The following PIK3C2G variants were observed in gnomAD, a reference collection of about 807,000 sequenced individuals.
PIK3C2G encodes the protein phosphatidylinositol-4-phosphate 3-kinase catalytic subunit type 2 gamma, also known as phosphatidylinositol 3-kinase C2 domain-containing subunit gamma.
PIK3C2G carries 168 observed loss-of-function variants against 181.1 expected under a neutral mutation model. The observed-to-expected ratio is 0.93, with a 90% CI of 0.82 to 1.05. The LOEUF (loss-of-function observed/expected upper bound fraction) is 1.05, where lower values mean the gene tolerates loss of function less well. Among genes scored for constraint, PIK3C2G ranks in the 50% least tolerant of loss-of-function variants. The pLI, the probability that PIK3C2G is intolerant of heterozygous loss-of-function variation, is 0.00. For missense variants in PIK3C2G, 1,869 were observed against 1,732.8 expected, an observed-to-expected ratio of 1.08 and a Z score of -1.40; for synonymous variants, 573 against 592.2, an observed-to-expected ratio of 0.97 and a Z score of 0.47.
At chr12:18,625,956 A>AT (rs993885195) in intron 31 of PIK3C2G, among the ~76,000 whole-genome samples, 5 of 151,994 alleles carry the variant, frequency 3.3e-5, no homozygotes, top group East Asian at 1.9e-4. Context: ...TAGATCCTGT[A>AT]TTTTTTTATC....
At chr12:18,272,000 G>A (rs1048872077) in intron 1 of PIK3C2G, among the ~76,000 whole-genome samples, 4 of 152,066 alleles carry the variant, frequency 2.6e-5, no homozygotes, top group African/African-American at 9.7e-5. Context: ...CATCCAGAAA[G>A]CCCTGCTTAC....
At chr12:18,315,482 AAAT>A (rs1341284856) in intron 6 of PIK3C2G, among the ~76,000 whole-genome samples, 5 of 152,176 alleles carry the variant, frequency 3.3e-5, no homozygotes, top group African/African-American at 9.7e-5. Flanking sequence ...GATGCTGCTA[AAAT>A]AATAACTTAT....
chr12:18,294,075 T>C (rs1400153536), intron 5 of PIK3C2G, 60 bp downstream of exon 5: 1 of 749,724 alleles, frequency 1.3e-6, no homozygotes, highest in Non-Finnish European at 2.3e-6. Context: ...TTACCACTTG[T>C]TTATGGTTTT....
At chr12:18,702,144 T>C in the PIK3C2G span, among the ~76,000 whole-genome samples, 6 of 152,062 alleles carry the variant, frequency 3.9e-5, no homozygotes, top group Non-Finnish European at 8.8e-5. Flanking sequence ...ACGCTTCAGC[T>C]CATCATTTTC....
chr12:18,611,419 T>C (rs952602981), intron 31 of PIK3C2G, among the ~76,000 whole-genome samples: 9 of 152,122 alleles, frequency 5.9e-5, no homozygotes, highest in Non-Finnish European at 8.8e-5. Context: ...AAGATTTTAG[T>C]GCCTTAAAAT....
intron 18 of PIK3C2G, among the ~76,000 whole-genome samples, chr12:18,485,309 T>C (rs1939922549): frequency 6.6e-6 from 1 of 152,094 alleles, no homozygotes; most frequent in South Asian, 2.1e-4. Flanking sequence ...GCGACATGCA[T>C]GAAGAAATGT....
the PIK3C2G span, chr12:18,700,039 A>C: frequency 9.4e-7 from 1 of 1,067,418 alleles, no homozygotes; most frequent in Non-Finnish European, 1.4e-6. Context: ...CTTTCAAACA[A>C]ATGATTTTCA....
At chr12:18,500,987 G>A (rs572044121) in intron 22 of PIK3C2G, among the ~76,000 whole-genome samples, 31 of 152,010 alleles carry the variant, frequency 2.0e-4, no homozygotes, top group African/African-American at 6.8e-4. Context: ...CACTCACCGC[G>A]TAGGTCCGCA....
At chr12:18,410,497 T>G (rs1944800739) in intron 16 of PIK3C2G, among the ~76,000 whole-genome samples, 1 of 135,916 alleles carries the variant, frequency 7.4e-6, no homozygotes, top group Admixed American at 8.1e-5. Context: ...AGAGTGAGAC[T>G]CCATCTCAGA....
chr12:18,486,197 G>C (rs559650633), intron 18 of PIK3C2G, among the ~76,000 whole-genome samples: 1 of 152,222 alleles, frequency 6.6e-6, no homozygotes, highest in African/African-American at 2.4e-5. Flanking sequence ...TCTTGAACCA[G>C]ATCTCACCAG....
intron 11 of PIK3C2G, among the ~76,000 whole-genome samples, chr12:18,355,966 C>A (rs1940687277): frequency 1.3e-5 from 2 of 152,186 alleles, no homozygotes; most frequent in Admixed American, 1.3e-4. Flanking sequence ...GGGGTCTTGG[C>A]TGACACCTTG....
At chr12:18,367,131 A>G (rs1941697952) in intron 12 of PIK3C2G, among the ~76,000 whole-genome samples, 1 of 152,214 alleles carries the variant, frequency 6.6e-6, no homozygotes, top group Non-Finnish European at 1.5e-5. Context: ...AAATAAAGTG[A>G]AATTACAGTT....
At chr12:18,319,538 G>T (rs767526137) in intron 6 of PIK3C2G, among the ~76,000 whole-genome samples, 20 of 151,514 alleles carry the variant, frequency 1.3e-4, no homozygotes, top group Admixed American at 6.6e-4. Flanking sequence ...GCCTATGAAG[G>T]TATTTAAATT....
At chr12:18,413,877 C>T (rs775113822) in intron 16 of PIK3C2G, among the ~76,000 whole-genome samples, 14 of 152,042 alleles carry the variant, frequency 9.2e-5, no homozygotes, top group Non-Finnish European at 1.9e-4. Flanking sequence ...AAATATCACA[C>T]CAAAGTCAGA....
Position 18,448,025 on chromosome 12 carries a change from G to A in PIK3C2G, c.2504+23986G>A, listed in dbSNP as rs189420586. 1.3e-3 allele frequency among the ~76,000 whole-genome samples: 195 copies of A among 152,224 alleles called. 1 individual carries two copies. The highest frequency in any genetic ancestry group is 4.5e-3 in the African/African-American group (185 of 41,558). On this transcript the variant is annotated intron_variant, in intron 18 of 32. Coordinates refer to ENST00000538779, the MANE Select transcript of PIK3C2G (RefSeq NM_001288772.2). Reference sequence around the variant, plus strand: ...AGCTAAGGAAATCAAATATTGGAATGAGACCTCAGTAGTGTAAAATGTAAA... The same window carrying A: ...AGCTAAGGAAATCAAATATTGGAATAAGACCTCAGTAGTGTAAAATGTAAA...
At chr12:18,573,230 A>G (rs1253189830) in intron 29 of PIK3C2G, among the ~76,000 whole-genome samples, 2 of 152,226 alleles carry the variant, frequency 1.3e-5, no homozygotes, top group Non-Finnish European at 2.9e-5. Context: ...ATATAGGGAC[A>G]TTAGCAATCT....
At chr12:18,622,823 T>A (rs962869800) in intron 31 of PIK3C2G, among the ~76,000 whole-genome samples, 2 of 152,016 alleles carry the variant, frequency 1.3e-5, no homozygotes, top group Non-Finnish European at 3.0e-5. Context: ...ATTTTTTTCA[T>A]GTATCTGTTA....
rs1197435191 is a variant in PIK3C2G at position 18,381,843 on chromosome 12, T to C, written c.1958T>C (p.Val653Ala). Residue 653 changes from valine (V) to alanine (A), a missense_variant, in exon 14 of 33, where the codon GTG becomes GCG. Physicochemically the swap from Val to Ala is moderately conservative, Grantham distance 64 (BLOSUM62 0). Coordinates refer to ENST00000538779, the MANE Select transcript of PIK3C2G (RefSeq NM_001288772.2). The stretch of plus-strand genomic sequence containing the variant: ...CCCGTAGAAATGATAACTCCAGGAG[T>C]GTGGGATGTAAGTCAGCCATCCCCG... ...EPPVEMITPG[V>A]WDVSQPSPVT... 2 of 1,613,460 alleles carry C rather than the reference T, an allele frequency of 1.2e-6. No homozygotes were observed. The highest frequency in any genetic ancestry group is 1.7e-6 in the Non-Finnish European group (2 of 1,179,456).
intron 9 of PIK3C2G, among the ~76,000 whole-genome samples, chr12:18,341,007 G>A (rs1224112028): frequency 6.6e-6 from 1 of 152,150 alleles, no homozygotes; most frequent in Non-Finnish European, 1.5e-5. Flanking sequence ...AACCAGATGT[G>A]TGGATGTCGA....
Sources: allele counts gnomAD v4.1 joint callset (sites outside exome capture counted in the v4.1 genomes callset), GRCh38; gene constraint gnomAD v4.1.1; transcripts MANE v1.5; gene names NCBI Gene and HGNC (gene_info 2026-07-23, HGNC 2026-07-21).